Variants in F11 observed in about 807,000 individuals in gnomAD.
F11 encodes coagulation factor XI.
In F11, 78 loss-of-function variants were observed where a neutral mutation model predicts 76.5. The observed-to-expected ratio is 1.02, with a 90% CI of 0.85 to 1.23. The LOEUF (loss-of-function observed/expected upper bound fraction) is 1.23, where lower values mean the gene tolerates loss of function less well. Ranked by LOEUF, F11 falls within the 50% of genes most tolerant of loss-of-function variation. F11 has a pLI of 0.00. For synonymous variants in F11, 278 were observed against 276.3 expected (o/e 1.01, Z -0.06); for missense variants, 742 against 771.4 (o/e 0.96, Z 0.45).
Position 186,280,061 on chromosome 4 carries a change from A to G in F11, c.805A>G (p.Ile269Val). ...TGAGAGTGGATTGCCCAGTACACGC[A>G]TTAAAAAGAGCAAAGCTCTTTCTGG... ...TSESGLPSTR[I>V]KKSKALSGFS... Residue 269 changes from isoleucine (I) to valine (V), a missense_variant, in exon 8 of 15, where the codon ATT (isoleucine) becomes GTT (valine). Coordinates refer to ENST00000403665, the MANE Select transcript of F11 (RefSeq NM_000128.4). 1 of 1,614,188 alleles carries G rather than the reference A, an allele frequency of 6.2e-7. No individual in the cohort carries two copies. The highest frequency in any genetic ancestry group is 8.5e-7 in the Non-Finnish European group (1 of 1,180,030).
At position 186,269,240 on chromosome 4, in the gene F11, C is replaced by T. The variant is rs4253823; in HGVS notation, c.55+2049C>T. Among the ~76,000 whole-genome samples the T allele has an allele frequency of 3.2e-3, 493 of 152,152 alleles. 4 individuals carry two copies. Among genetic ancestry groups the T allele is most frequent in the African/African-American group, 0.011 (462 of 41,498 alleles). ...TCAAAAATCAATAGATGTGTGACTT[C>T]GGGGTACATACCGAAAAAAAAGAAG... is the stretch of plus-strand genomic sequence containing the variant. On this transcript the variant is annotated intron_variant, in intron 2 of 14. Coordinates refer to ENST00000403665, the MANE Select transcript of F11 (RefSeq NM_000128.4).
chr4:186,271,735 T>G lies in F11; in HGVS notation c.182T>G (p.Phe61Cys). The change falls in exon 3 of 15, where the codon TTC (phenylalanine) becomes TGC (cysteine). Residue 61 changes from phenylalanine to cysteine, a missense_variant. Phe to Cys is a radical substitution (Grantham distance 205). Coordinates refer to ENST00000403665, the MANE Select transcript of F11 (RefSeq NM_000128.4). ...TYHPRCLLFT[F>C]TAESPSEDPT... ...CACCCAAGATGTTTACTCTTCACTT[T>G]CACGGCGGAATCACCATCTGAGGAT... 6.2e-7 allele frequency: 1 copy of G among 1,614,200 alleles called. No individual in the cohort carries two copies. The highest frequency in any genetic ancestry group is 8.5e-7 in the Non-Finnish European group (1 of 1,180,032).
Position 186,281,201 on chromosome 4 carries a change from T to C in F11, c.1135+621T>C, listed in dbSNP as rs573250301. Among the ~76,000 whole-genome samples, 8 of 152,334 alleles carry C rather than the reference T, an allele frequency of 5.3e-5. No homozygotes were observed. In the East Asian group the frequency reaches 1.2e-3, roughly 22 times the overall value. ...GAGACCCAGACTCTGCCAACACTCCTGTTATCAAGGCCAGTAATCTTTCCT... is the reference window on the plus strand; with the variant it reads ...GAGACCCAGACTCTGCCAACACTCCCGTTATCAAGGCCAGTAATCTTTCCT... On this transcript the variant is annotated intron_variant, in intron 10 of 14. Coordinates refer to ENST00000403665, the MANE Select transcript of F11 (RefSeq NM_000128.4).
At position 186,288,584 on chromosome 4, in the gene F11, C is replaced by T; in HGVS notation, c.1848C>T (p.Asp616=). The change falls in exon 15 of 15, where the codon GAC becomes GAT. Residue 616 remains aspartate (D), a synonymous_variant. Coordinates refer to ENST00000403665, the MANE Select transcript of F11 (RefSeq NM_000128.4). Reference sequence around the variant, plus strand: ...ACACCAACGTGGTCGAGTACGTGGACTGGATTCTGGAGAAAACTCAAGCAG... The same window carrying T: ...ACACCAACGTGGTCGAGTACGTGGATTGGATTCTGGAGAAAACTCAAGCAG... ...GVYTNVVEYV[D]WILEKTQAV 1.2e-6 allele frequency: 2 copies of T among 1,614,154 alleles called. No homozygotes were observed. The highest frequency in any genetic ancestry group is 2.2e-5 in the South Asian group (2 of 91,078).
chr4:186,278,078 C>CCTGA, intron 7 of F11, among the ~76,000 whole-genome samples: 1 of 152,338 alleles, frequency 6.6e-6, no homozygotes, highest in Admixed American at 6.5e-5. Flanking sequence ...GGATTACAAG[C>CCTGA]CTGAGCCACT....
intron 1 of F11, among the ~76,000 whole-genome samples, chr4:186,266,819 G>A (rs184583891): frequency 2.6e-5 from 4 of 152,252 alleles, no homozygotes; most frequent in South Asian, 2.1e-4. Context: ...TGGGGAGAGC[G>A]GTCAGATGGT....
intron 3 of F11, among the ~76,000 whole-genome samples, chr4:186,272,750 A>C (rs1740073267): frequency 6.6e-6 from 1 of 152,254 alleles, no homozygotes; most frequent in Admixed American, 6.5e-5. Context: ...AAAATGTAAC[A>C]ATTTGAAAAT....
At chr4:186,286,379 G>C (rs770104987) in intron 12 of F11, 36 bp from the exon 13 acceptor site, 2 of 1,506,088 alleles carry the variant, frequency 1.3e-6, no homozygotes, top group East Asian at 4.5e-5. Context: ...GATATATTTT[G>C]CGTCTCATAT....
Position 186,280,103 on chromosome 4 carries a change from T to G in F11, c.847T>G (p.Cys283Gly). 1 of 1,614,206 alleles carries G rather than the reference T, an allele frequency of 6.2e-7. No individual in the cohort carries two copies. The highest frequency in any genetic ancestry group is 1.3e-5 in the African/African-American group (1 of 75,060). The change falls in exon 8 of 15, where the codon TGC (cysteine) becomes GGC (glycine). Residue 283 changes from cysteine (C) to glycine (G), a missense_variant. Cys to Gly is a radical substitution (Grantham distance 159). Transcript: ENST00000403665. ...KALSGFSLQS[C>G]RHSIPVFCHS... is the part of the protein sequence containing the mutation. Reference sequence around the variant, plus strand: ...TCTTTCTGGTTTCAGTCTACAAAGCTGCAGGCACAGCATCCCAGGTAAACT... The same window carrying G: ...TCTTTCTGGTTTCAGTCTACAAAGCGGCAGGCACAGCATCCCAGGTAAACT...
At position 186,280,977 on chromosome 4, in the gene F11, A is replaced by C. The variant is rs553005090; in HGVS notation, c.1135+397A>C. ...ACTCCTGGACTCGAACAATCCTCCC[A>C]CCTTAGCTCCCTGAGTAGCTGGGGC... On this transcript the variant is annotated intron_variant, in intron 10 of 14. Transcript: ENST00000403665. 2.0e-5 allele frequency among the ~76,000 whole-genome samples: 3 copies of C among 147,638 alleles called. No homozygotes were observed. In the South Asian group the frequency reaches 6.4e-4, roughly 32 times the overall value.
intron 10 of F11, 41 bp downstream of exon 10, chr4:186,280,621 T>G: frequency 2.8e-5 from 36 of 1,296,392 alleles, no homozygotes; most frequent in Non-Finnish European, 3.9e-5. Context: ...CTGAAGGAAT[T>G]ATTCCATGCT....
chr4:186,288,402 G>A (rs1391261649), intron 14 of F11, 51 bp from the exon 15 acceptor site: 1 of 1,611,940 alleles, frequency 6.2e-7, no homozygotes, highest in South Asian at 1.1e-5. Flanking sequence ...GCTGAAGATG[G>A]GAAGCGTCTG....
At chr4:186,278,371 G>C (rs967938376) in intron 7 of F11, among the ~76,000 whole-genome samples, 15 of 152,136 alleles carry the variant, frequency 9.9e-5, no homozygotes, top group African/African-American at 3.6e-4. Flanking sequence ...AAATATATCT[G>C]TTACCATCAC....
intron 10 of F11, 84 bp from the exon 11 acceptor site, chr4:186,284,008 G>T: frequency 6.2e-7 from 1 of 1,607,126 alleles, no homozygotes; most frequent in Non-Finnish European, 8.5e-7. Flanking sequence ...TTGAGGAAAG[G>T]TTTTCTTCTT....
At chr4:186,267,087 T>C in intron 1 of F11, 49 bp from the exon 2 acceptor site, 1 of 1,256,832 alleles carries the variant, frequency 8.0e-7, no homozygotes, top group Admixed American at 1.7e-5. Context: ...AAACTAATTA[T>C]AAATTTACAT....
At position 186,280,509 on chromosome 4, in the gene F11, CTCCAACTAAAATACT is replaced by C; in HGVS notation, c.1067_1081del (p.Pro356_Leu360del). ...TACTTAAAGCTTTCTTCAAACGGAT[CTCCAACTAAAATACT>C]TCACGGGAGAGGAGGCATCTCTGGA... is the stretch of plus-strand genomic sequence containing the variant. On this transcript the variant is annotated inframe_deletion, in exon 10 of 15. Transcript: ENST00000403665. The C allele has an allele frequency of 6.2e-7, 1 of 1,614,180 alleles. No individual in the cohort carries two copies. Among genetic ancestry groups the C allele is most frequent in the Non-Finnish European group, 8.5e-7 (1 of 1,180,034 alleles).
At chr4:186,285,398 G>A (rs1008571634) in intron 11 of F11, among the ~76,000 whole-genome samples, 3 of 151,732 alleles carry the variant, frequency 2.0e-5, no homozygotes, top group Non-Finnish European at 4.4e-5. Flanking sequence ...GGGTGTGTGC[G>A]TGTGTGTGTG....
chr4:186,272,849 C>T (rs1475133246), intron 3 of F11: 2 of 466,768 alleles, frequency 4.3e-6, no homozygotes, highest in East Asian at 3.7e-5. Flanking sequence ...TTGACACATT[C>T]CTGTTTGTTC....
At chr4:186,287,594 ATAT>A in intron 13 of F11, 87 bp from the exon 14 acceptor site, 1 of 427,068 alleles carries the variant, frequency 2.3e-6, no homozygotes, top group Non-Finnish European at 3.4e-6. Flanking sequence ...AATTAAAAAT[ATAT>A]ATATATATAT....
Sources: allele counts gnomAD v4.1 joint callset (sites outside exome capture counted in the v4.1 genomes callset), GRCh38; gene constraint gnomAD v4.1.1; transcripts MANE v1.5; gene names NCBI Gene and HGNC (gene_info 2026-07-23, HGNC 2026-07-21).